The following DNAH6 variants were observed in gnomAD, a reference collection of about 807,000 sequenced individuals.
DNAH6 encodes the protein axonemal beta dynein heavy chain 6.
A neutral mutation model predicts 491.4 loss-of-function variants in DNAH6; 340 were observed. The observed-to-expected ratio is 0.69, with a 90% confidence interval of 0.63 to 0.76. The LOEUF is 0.76. Ranked by LOEUF, DNAH6 falls within the 30% of genes least tolerant of loss-of-function variation. The pLI is 0.00. For synonymous variants in DNAH6, 1,603 were observed against 1,686.1 expected (o/e 0.95, Z 1.21); for missense variants, 4,443 against 4,972.2 (o/e 0.89, Z 3.20).
At chr2:84,793,939 A>G (rs546676294) in intron 68 of DNAH6, among the ~76,000 whole-genome samples, 18 of 152,378 alleles carry the variant, frequency 1.2e-4, no homozygotes, top group African/African-American at 4.1e-4. Context: ...CTACAAGGCT[A>G]CGGTAGTCAA....
chr2:84,484,591 C>T, the DNAH6 span, among the ~76,000 whole-genome samples: 1 of 152,172 alleles, frequency 6.6e-6, no homozygotes, highest in Non-Finnish European at 1.5e-5. Flanking sequence ...CTTTTTCCAT[C>T]TTCAAGGCCA....
chr2:84,627,983 A>T (rs1573279733), intron 29 of DNAH6, among the ~76,000 whole-genome samples: 1 of 152,218 alleles, frequency 6.6e-6, no homozygotes, highest in East Asian at 1.9e-4. Flanking sequence ...CAGGCTGAGT[A>T]GGAACTAGGG....
At chr2:84,507,240 A>T in the DNAH6 span, among the ~76,000 whole-genome samples, 2 of 152,042 alleles carry the variant, frequency 1.3e-5, no homozygotes, top group East Asian at 1.9e-4. Flanking sequence ...CTTTTATTTC[A>T]TTGAGCAGTG....
chr2:84,804,716 C>T (rs1425810237), intron 70 of DNAH6, among the ~76,000 whole-genome samples: 1 of 152,054 alleles, frequency 6.6e-6, no homozygotes, highest in Non-Finnish European at 1.5e-5. Flanking sequence ...AAATGTTTAA[C>T]CATTCTTTAT....
Position 84,659,133 on chromosome 2 carries a change from T to C in DNAH6, c.6048T>C (p.Phe2016=). The C allele has an allele frequency of 2.0e-6, 3 of 1,506,416 alleles. No homozygotes were observed. The highest frequency in any genetic ancestry group is 2.7e-6 in the Non-Finnish European group (3 of 1,114,518). 93.3% of individuals were successfully genotyped at this position (1,506,416 alleles called of 1,614,324 possible). A position where few individuals can be genotyped will look rare whatever the true frequency, so the allele number is the denominator to read the frequency against. Reference sequence around the variant, plus strand: ...ACTACTATGATTCTTTTGATACATTTATTAGAACACAATTTGATGATAATC... The same window carrying C: ...ACTACTATGATTCTTTTGATACATTCATTAGAACACAATTTGATGATAATC... The part of the protein sequence containing the change: ...TENYYDSFDT[F]IRTQFDDNPD... Residue 2016 remains phenylalanine, a synonymous_variant, in exon 37 of 77, where the codon TTT becomes TTC. Coordinates refer to ENST00000389394, the MANE Select transcript of DNAH6 (RefSeq NM_001370.2).
chr2:84,598,159 C>CTTTCTTTCTTTCT lies in DNAH6; in HGVS notation c.2868+2373_2868+2385dup, dbSNP rs1553438085. 1.3e-3 allele frequency among the ~76,000 whole-genome samples: 94 copies of CTTTCTTTCTTTCT among 71,204 alleles called. 2 individuals are homozygous for CTTTCTTTCTTTCT. The highest frequency in any genetic ancestry group is 2.8e-3 in the African/African-American group (85 of 29,886). The allele number at this position is 71,204 out of a possible 152,430, so 46.7% of individuals were successfully genotyped here. On this transcript the variant is annotated intron_variant, in intron 18 of 76. Transcript: ENST00000389394. ...TCTTTCTTTCTTTCTTTCTTTCTTTCTTTCTTTCTTTCTTTCTTTCTCTCT... is the reference window on the plus strand; with the variant it reads ...TCTTTCTTTCTTTCTTTCTTTCTTTCTTTCTTTCTTTCTTTTCTTTCTTTCTTTCTTTCTCTCT...
intron 2 of DNAH6, among the ~76,000 whole-genome samples, chr2:84,524,513 T>A (rs1676433456): frequency 1.3e-5 from 2 of 152,034 alleles, no homozygotes; most frequent in Non-Finnish European, 1.5e-5. Context: ...CTTGTTTGTG[T>A]GGTTGCTTTA....
the DNAH6 span, among the ~76,000 whole-genome samples, chr2:84,487,308 GA>G: frequency 6.6e-6 from 1 of 152,204 alleles, no homozygotes; most frequent in African/African-American, 2.4e-5. Flanking sequence ...CTGGACAATA[GA>G]AGATGCTGCT....
chr2:84,764,396 G>A (rs1674876513), intron 64 of DNAH6, among the ~76,000 whole-genome samples: 1 of 152,130 alleles, frequency 6.6e-6, no homozygotes, highest in Non-Finnish European at 1.5e-5. Flanking sequence ...AGCCTTACTA[G>A]TAATTTGGAA....
chr2:84,597,075 T>TG (rs774171531), intron 18 of DNAH6, among the ~76,000 whole-genome samples: 18 of 152,328 alleles, frequency 1.2e-4, no homozygotes, highest in Admixed American at 2.6e-4. Context: ...ATTGTCCCTT[T>TG]GTAGTCAGCC....
At chr2:84,552,698 G>A (rs1467030165) in intron 9 of DNAH6, among the ~76,000 whole-genome samples, 3 of 152,008 alleles carry the variant, frequency 2.0e-5, no homozygotes, top group Non-Finnish European at 4.4e-5. Flanking sequence ...TTTGTTGGTA[G>A]TATTTTTACA....
rs116645561 is a variant in DNAH6 at position 84,679,409 on chromosome 2, A to G, written c.6745-1948A>G. The stretch of plus-strand genomic sequence containing the variant: ...TTACTTACTGGAAATTTATGTGCCA[A>G]AATATGCATCACTATACATTCTAAG... On this transcript the variant is annotated intron_variant, in intron 41 of 76. Transcript: ENST00000389394. Among the ~76,000 whole-genome samples, 1,161 of 152,346 alleles carry G rather than the reference A, an allele frequency of 7.6e-3. 14 individuals carry two copies. The highest frequency in any genetic ancestry group is 0.027 in the African/African-American group (1,129 of 41,576).
At chr2:84,722,902 C>A in intron 60 of DNAH6, 98 bp downstream of exon 60, 1 of 758,182 alleles carries the variant, frequency 1.3e-6, no homozygotes, top group Non-Finnish European at 2.0e-6. Flanking sequence ...GTCTAGTTAT[C>A]AGGTAAAATC....
Position 84,616,987 on chromosome 2 carries a change from GT to G in DNAH6, c.3572+8del. The G allele has an allele frequency of 6.9e-7, 1 of 1,440,242 alleles. No homozygotes were observed. The highest frequency in any genetic ancestry group is 9.3e-7 in the Non-Finnish European group (1 of 1,078,756). 89.2% of individuals were successfully genotyped at this position (1,440,242 alleles called of 1,614,324 possible). A position where few individuals can be genotyped will look rare whatever the true frequency, so the allele number is the denominator to read the frequency against. ...AAAAAGAGTTATCTTTCCAAGGTAAGTTTATAAAGCAACCTAAGATATTTTT... is the reference window on the plus strand; with the variant it reads ...AAAAAGAGTTATCTTTCCAAGGTAAGTTATAAAGCAACCTAAGATATTTTT... On this transcript the variant is annotated splice_donor_region_variant and intron_variant, in intron 23 of 76. Transcript: ENST00000389394.
intron 11 of DNAH6, among the ~76,000 whole-genome samples, chr2:84,558,245 T>C (rs1680262667): frequency 6.6e-6 from 1 of 151,580 alleles, no homozygotes; most frequent in South Asian, 2.1e-4. Flanking sequence ...GGCTAACACA[T>C]TGAAACCCCA....
intron 37 of DNAH6, among the ~76,000 whole-genome samples, chr2:84,665,262 A>G (rs935182050): frequency 1.3e-5 from 2 of 152,214 alleles, no homozygotes; most frequent in Non-Finnish European, 2.9e-5. Context: ...GCAGAACTGA[A>G]GGAGAGAGAG....
chr2:84,611,545 C>A (rs1366335990), intron 21 of DNAH6, 129 bp from the exon 22 acceptor site: 2 of 729,654 alleles, frequency 2.7e-6, no homozygotes, highest in Non-Finnish European at 4.5e-6. Flanking sequence ...TTTCAAAGGA[C>A]CTGTGAGGAG....
At chr2:84,818,890 T>C (rs1357211062) in intron 76 of DNAH6, among the ~76,000 whole-genome samples, 1 of 152,084 alleles carries the variant, frequency 6.6e-6, no homozygotes, top group Non-Finnish European at 1.5e-5. Flanking sequence ...CCTAGCCAAC[T>C]GGTGAAACCC....
intron 47 of DNAH6, among the ~76,000 whole-genome samples, chr2:84,698,814 T>C (rs997353239): frequency 3.3e-5 from 5 of 152,074 alleles, no homozygotes; most frequent in African/African-American, 1.2e-4. Flanking sequence ...GGATTAGATA[T>C]AGAAAAAGTG....
Sources: gnomAD v4.1 joint callset for allele counts (sites outside exome capture counted in the v4.1 genomes callset) on GRCh38, gnomAD v4.1.1 for gene constraint, MANE v1.5 for transcripts, NCBI Gene and HGNC (gene_info 2026-07-23, HGNC 2026-07-21) for gene names.